Variants in FBXL17 observed in about 807,000 individuals in gnomAD.
The protein encoded by FBXL17 is F-box/LRR-repeat protein 17.
A neutral mutation model predicts 66.2 loss-of-function variants in FBXL17; 22 were observed. The observed-to-expected ratio is 0.33, with a 90% CI of 0.24 to 0.47. The LOEUF (loss-of-function observed/expected upper bound fraction) is 0.47, where lower values mean the gene tolerates loss of function less well. Among genes scored for constraint, FBXL17 ranks in the 20% least tolerant of loss-of-function variants. The pLI is 1.00. For missense variants in FBXL17, 878 were observed against 948.2 expected, an observed-to-expected ratio of 0.93 and a Z score of 0.97; for synonymous variants, 474 against 400.5, an observed-to-expected ratio of 1.18 and a Z score of -2.19.
chr5:108,136,220 C>G (rs769245816), intron 6 of FBXL17, among the ~76,000 whole-genome samples: 5 of 151,994 alleles, frequency 3.3e-5, no homozygotes, highest in African/African-American at 4.8e-5. Flanking sequence ...TATTTATGAG[C>G]CTAACTCTTT....
At chr5:107,913,171 T>C (rs1488543207) in intron 7 of FBXL17, among the ~76,000 whole-genome samples, 6 of 148,584 alleles carry the variant, frequency 4.0e-5, no homozygotes, top group Non-Finnish European at 6.0e-5. Flanking sequence ...ATGGGGAGGG[T>C]AGAAGGAGCT....
chr5:108,012,673 C>A (rs949536467), intron 7 of FBXL17, among the ~76,000 whole-genome samples: 1 of 152,088 alleles, frequency 6.6e-6, no homozygotes, highest in Non-Finnish European at 1.5e-5. Flanking sequence ...ATTATGTAAA[C>A]CTGAAGCTAT....
At chr5:107,884,815 C>G (rs1748910926) in intron 7 of FBXL17, among the ~76,000 whole-genome samples, 2 of 152,092 alleles carry the variant, frequency 1.3e-5, no homozygotes, top group Admixed American at 1.3e-4. Flanking sequence ...GTCTGTGGCT[C>G]AAGTGAGATG....
At position 108,085,752 on chromosome 5, in the gene FBXL17, T is replaced by C. The variant is rs1277062290; in HGVS notation, c.1746-64751A>G. 7.9e-5 allele frequency among the ~76,000 whole-genome samples: 12 copies of C among 152,130 alleles called. No individual in the cohort carries two copies. In the East Asian group the frequency reaches 2.3e-3, roughly 30 times the overall value. ...GAGTTTGAGACCAGCCTGGGCAACATGGCAAAACCCGGTCTCAACAAAAAA... is the reference window on the plus strand; with the variant it reads ...GAGTTTGAGACCAGCCTGGGCAACACGGCAAAACCCGGTCTCAACAAAAAA... On this transcript the variant is annotated intron_variant, in intron 6 of 8. Transcript: ENST00000542267.
chr5:108,311,158 CT>C (rs1354252052), intron 4 of FBXL17, among the ~76,000 whole-genome samples: 1 of 151,794 alleles, frequency 6.6e-6, no homozygotes, highest in African/African-American at 2.4e-5. Flanking sequence ...TCTCACCTAC[CT>C]TTTTTTATTT....
chr5:108,186,720 G>A (rs1444468074), intron 5 of FBXL17, among the ~76,000 whole-genome samples: 1 of 149,980 alleles, frequency 6.7e-6, no homozygotes, highest in Non-Finnish European at 1.5e-5. Flanking sequence ...AGTGAGCCCA[G>A]ATCGCATCAC....
At chr5:108,061,740 A>G (rs1747932683) in intron 6 of FBXL17, among the ~76,000 whole-genome samples, 2 of 152,168 alleles carry the variant, frequency 1.3e-5, no homozygotes, top group Non-Finnish European at 2.9e-5. Context: ...CAAGAGAAGT[A>G]TATAAACTGA....
At chr5:108,267,764 A>T (rs1374422641) in intron 4 of FBXL17, among the ~76,000 whole-genome samples, 2 of 152,102 alleles carry the variant, frequency 1.3e-5, no homozygotes, top group Non-Finnish European at 2.9e-5. Flanking sequence ...AGATAAAGTC[A>T]GATACGAGGG....
chr5:108,165,954 A>C (rs1752400053), intron 6 of FBXL17, among the ~76,000 whole-genome samples: 1 of 152,208 alleles, frequency 6.6e-6, no homozygotes, highest in South Asian at 2.1e-4. Flanking sequence ...AAATATGATT[A>C]TTCTTCAGGG....
At chr5:108,177,853 T>C (rs1265563452) in intron 6 of FBXL17, among the ~76,000 whole-genome samples, 7 of 149,658 alleles carry the variant, frequency 4.7e-5, no homozygotes, top group Non-Finnish European at 8.9e-5. Context: ...GAACACAGTA[T>C]AATTAAGTGG....
At chr5:108,349,824 G>T (rs915099790) in intron 3 of FBXL17, among the ~76,000 whole-genome samples, 1 of 152,044 alleles carries the variant, frequency 6.6e-6, no homozygotes, top group East Asian at 1.9e-4. Context: ...GAATTCAGGG[G>T]TTCCAGGAAA....
At chr5:108,128,035 C>A (rs1750788258) in intron 6 of FBXL17, among the ~76,000 whole-genome samples, 1 of 152,004 alleles carries the variant, frequency 6.6e-6, no homozygotes, top group Admixed American at 6.6e-5. Flanking sequence ...AACTTGAGTT[C>A]AGGAGTTTGA....
intron 6 of FBXL17, among the ~76,000 whole-genome samples, chr5:108,166,904 G>A: frequency 6.6e-6 from 1 of 152,192 alleles, no homozygotes; most frequent in East Asian, 1.9e-4. Flanking sequence ...TCCATTAGAT[G>A]TGTAGGTGCA....
chr5:107,993,407 A>T (rs1201075070), intron 7 of FBXL17, among the ~76,000 whole-genome samples: 1 of 152,208 alleles, frequency 6.6e-6, no homozygotes, highest in Non-Finnish European at 1.5e-5. Flanking sequence ...AAAATTAGAG[A>T]TACAGGGATT....
At chr5:107,869,472 G>A (rs1283162665) in intron 8 of FBXL17, among the ~76,000 whole-genome samples, 1 of 152,144 alleles carries the variant, frequency 6.6e-6, no homozygotes, top group Non-Finnish European at 1.5e-5. Context: ...AAATTTGCAT[G>A]TAAATGAGGT....
chr5:108,273,836 C>A (rs1757375929), intron 4 of FBXL17, among the ~76,000 whole-genome samples: 2 of 151,692 alleles, frequency 1.3e-5, no homozygotes, highest in African/African-American at 4.8e-5. Context: ...TCATTAAGAA[C>A]AATGTAGCAA....
At chr5:108,369,303 C>A (rs545274097) in intron 1 of FBXL17, among the ~76,000 whole-genome samples, 4 of 152,156 alleles carry the variant, frequency 2.6e-5, no homozygotes, top group African/African-American at 4.8e-5. Flanking sequence ...GCCCTGACTT[C>A]GAGTCTGTCC....
chr5:108,004,762 T>C (rs1046863232), intron 7 of FBXL17, among the ~76,000 whole-genome samples: 3 of 152,184 alleles, frequency 2.0e-5, no homozygotes, highest in African/African-American at 7.2e-5. Flanking sequence ...CCAAATTCTA[T>C]AGGATGCCAC....
rs143107657 is a variant in FBXL17, at chr5:107,914,787, T to C, written c.1823-33608A>G. On this transcript the variant is annotated intron_variant, in intron 7 of 8. Transcript: ENST00000542267. ...CTGCCTGAGAATAACACCAATATAT[T>C]GAGTAAGACAAAGTGGAAGGAATTG... is the stretch of plus-strand genomic sequence containing the variant. Among the ~76,000 whole-genome samples the C allele has an allele frequency of 6.5e-3, 984 of 152,252 alleles. 14 individuals are homozygous for C. The highest frequency in any genetic ancestry group is 0.021 in the African/African-American group (872 of 41,554).
Sources: gnomAD v4.1 joint callset for allele counts (sites outside exome capture counted in the v4.1 genomes callset) on GRCh38, gnomAD v4.1.1 for gene constraint, MANE v1.5 for transcripts, NCBI Gene and HGNC (gene_info 2026-07-23, HGNC 2026-07-21) for gene names.